TMEM178B: variants seen among roughly 807,000 people sequenced by gnomAD.
TMEM178B encodes the protein transmembrane protein 178B.
TMEM178B carries 5 observed loss-of-function variants against 31.0 expected under a neutral mutation model. That is an observed-to-expected ratio of 0.16 (90% CI 0.08 to 0.34). TMEM178B has a LOEUF of 0.34. Among genes scored for constraint, TMEM178B ranks in the 10% least tolerant of loss-of-function variants. The pLI is 1.00. For missense variants in TMEM178B, 275 were observed against 400.3 expected (o/e 0.69, Z 2.67); for synonymous variants, 164 against 164.0 (o/e 1.00, Z 0.00).
intron 2 of TMEM178B, among the ~76,000 whole-genome samples, chr7:141,354,217 A>C (rs193241099): frequency 1.3e-5 from 2 of 152,336 alleles, no homozygotes; most frequent in African/African-American, 4.8e-5. Flanking sequence ...ATATGATTTG[A>C]GTATGAATGT....
rs73739826 is a variant in TMEM178B at position 141,385,488 on chromosome 7, A to G, written c.497-52120A>G. The stretch of plus-strand genomic sequence containing the variant: ...CATTGAAAAATTCAGAAAACATTAC[A>G]TATAACTGTGAACTCTATTTATAAG... On this transcript the variant is annotated intron_variant, in intron 2 of 3. Transcript: ENST00000565468. Among the ~76,000 whole-genome samples, 484 of 152,344 alleles carry G rather than the reference A, an allele frequency of 3.2e-3. 5 individuals carry two copies. The highest frequency in any genetic ancestry group is 0.011 in the African/African-American group (450 of 41,574).
intron 2 of TMEM178B, among the ~76,000 whole-genome samples, chr7:141,248,152 T>A (rs1229401150): frequency 3.3e-5 from 5 of 152,112 alleles, no homozygotes; most frequent in Non-Finnish European, 7.3e-5. Flanking sequence ...AGCTCACGCC[T>A]GCAATCCCAG....
chr7:141,414,810 A>C (rs1371923022), intron 2 of TMEM178B: 1 of 152,248 alleles, frequency 6.6e-6, no homozygotes, highest in Non-Finnish European at 1.5e-5. Flanking sequence ...ACTTTGAGAA[A>C]TTAAATGATC....
intron 1 of TMEM178B, among the ~76,000 whole-genome samples, chr7:141,091,457 A>G (rs1291107298): frequency 2.0e-5 from 3 of 152,250 alleles, no homozygotes; most frequent in Admixed American, 6.5e-5. Flanking sequence ...CATTTCAAAG[A>G]AGGACATTTG....
chr7:141,288,207 C>T (rs1563141983), intron 2 of TMEM178B, among the ~76,000 whole-genome samples: 1 of 150,256 alleles, frequency 6.7e-6, no homozygotes, highest in Non-Finnish European at 1.5e-5. Context: ...TTTTTTTTTT[C>T]CCCCTCTGGG....
intron 2 of TMEM178B, chr7:141,429,986 T>C (rs1213718828): frequency 6.6e-6 from 1 of 152,246 alleles, no homozygotes; most frequent in Non-Finnish European, 1.5e-5. Flanking sequence ...TCCTGCCCCA[T>C]GTCTTTTCCT....
chr7:141,285,996 A>G (rs1435290514), intron 2 of TMEM178B, among the ~76,000 whole-genome samples: 1 of 152,168 alleles, frequency 6.6e-6, no homozygotes, highest in Non-Finnish European at 1.5e-5. Context: ...AATGTAGATG[A>G]CGGGTTGATG....
At chr7:141,202,432 G>A (rs570622336) in intron 1 of TMEM178B, among the ~76,000 whole-genome samples, 2 of 152,186 alleles carry the variant, frequency 1.3e-5, no homozygotes, top group South Asian at 4.1e-4. Context: ...GGTCCCCTGA[G>A]CACCTCTCAT....
At chr7:141,394,447 A>G (rs1396519417) in intron 2 of TMEM178B, among the ~76,000 whole-genome samples, 2 of 152,238 alleles carry the variant, frequency 1.3e-5, no homozygotes, top group East Asian at 1.9e-4. Flanking sequence ...GTCACTGGCA[A>G]TGTGGCCTTG....
At chr7:141,188,672 G>A (rs1796650761) in intron 1 of TMEM178B, among the ~76,000 whole-genome samples, 1 of 152,218 alleles carries the variant, frequency 6.6e-6, no homozygotes, top group African/African-American at 2.4e-5. Context: ...TTACATTCTA[G>A]TTAGGATAAG....
chr7:141,199,038 G>A (rs982336716), intron 1 of TMEM178B, among the ~76,000 whole-genome samples: 1 of 152,236 alleles, frequency 6.6e-6, no homozygotes, highest in Non-Finnish European at 1.5e-5. Flanking sequence ...CATGAGCGAA[G>A]TGGGGAAAAA....
chr7:141,320,042 G>A (rs1330710188), intron 2 of TMEM178B, among the ~76,000 whole-genome samples: 2 of 151,880 alleles, frequency 1.3e-5, no homozygotes, highest in Non-Finnish European at 2.9e-5. Flanking sequence ...TCATGGGGGT[G>A]GTTTCCCCCA....
chr7:141,307,472 T>G (rs1798833941), intron 2 of TMEM178B, among the ~76,000 whole-genome samples: 2 of 152,288 alleles, frequency 1.3e-5, no homozygotes, highest in South Asian at 4.1e-4. Context: ...GCTTTCCTCC[T>G]CAGTAGGGCT....
At chr7:141,281,476 G>A (rs574485086) in intron 2 of TMEM178B, among the ~76,000 whole-genome samples, 5 of 152,224 alleles carry the variant, frequency 3.3e-5, no homozygotes, top group South Asian at 4.1e-4. Context: ...AGCAGCGAAC[G>A]TGCGTTGTCT....
chr7:141,190,309 T>C (rs991855654), intron 1 of TMEM178B, among the ~76,000 whole-genome samples: 2 of 152,258 alleles, frequency 1.3e-5, no homozygotes, highest in South Asian at 4.2e-4. Context: ...ATATCTCGTG[T>C]AACTTTTGTT....
chr7:141,389,877 T>C (rs1800503266), intron 2 of TMEM178B, among the ~76,000 whole-genome samples: 1 of 152,196 alleles, frequency 6.6e-6, no homozygotes, highest in South Asian at 2.1e-4. Flanking sequence ...CATGAGCACC[T>C]CGAAGGTCTG....
At chr7:141,174,315 G>A (rs1405258269) in intron 1 of TMEM178B, among the ~76,000 whole-genome samples, 1 of 152,192 alleles carries the variant, frequency 6.6e-6, no homozygotes, top group Non-Finnish European at 1.5e-5. Flanking sequence ...TGGCTGCATA[G>A]TGTTCCATGG....
chr7:141,425,462 G>A (rs1801295597), intron 2 of TMEM178B, among the ~76,000 whole-genome samples: 3 of 152,186 alleles, frequency 2.0e-5, no homozygotes. Flanking sequence ...GTCTTCATCA[G>A]TAAAGACAGC....
chr7:141,320,176 A>T (rs1263964863), intron 2 of TMEM178B, among the ~76,000 whole-genome samples: 1 of 152,036 alleles, frequency 6.6e-6, no homozygotes, highest in Non-Finnish European at 1.5e-5. Flanking sequence ...GTCTTCCACC[A>T]TGATTGTAAG....
Sources: allele counts gnomAD v4.1 joint callset (sites outside exome capture counted in the v4.1 genomes callset), GRCh38; gene constraint gnomAD v4.1.1; transcripts MANE v1.5; gene names NCBI Gene and HGNC (gene_info 2026-07-23, HGNC 2026-07-21).